The following WWC2 variants were observed in gnomAD, a reference collection of about 807,000 sequenced individuals.
WWC2 encodes WW and C2 domain containing 2.
A neutral mutation model predicts 138.5 loss-of-function variants in WWC2; 101 were observed. The ratio of observed to expected loss-of-function variants is 0.73; its 90% confidence interval spans 0.62 to 0.86. WWC2 has a LOEUF of 0.86. Among genes scored for constraint, WWC2 ranks in the 40% least tolerant of loss-of-function variants. WWC2 has a pLI of 0.00. For missense variants in WWC2, 1,420 were observed against 1,419.4 expected (o/e 1.00, Z -0.01); for synonymous variants, 558 against 538.4 (o/e 1.04, Z -0.50).
At chr4:183,183,494 C>T (rs1244241191) in intron 1 of WWC2, among the ~76,000 whole-genome samples, 1 of 152,126 alleles carries the variant, frequency 6.6e-6, no homozygotes, top group Non-Finnish European at 1.5e-5. Context: ...TAAGACAAAG[C>T]AAAACAGCCG....
In WWC2 at chr4:183,315,644, T is replaced by C; in HGVS notation, c.3513-19T>C. The stretch of plus-strand genomic sequence containing the variant: ...TTAGCATCATATATAAGTCAATTTA[T>C]TTCTCACCCCAACTCTAGGGAGAAG... On this transcript the variant is annotated intron_variant, in intron 22 of 22. Coordinates refer to ENST00000403733, the MANE Select transcript of WWC2 (RefSeq NM_024949.6). The C allele has an allele frequency of 6.2e-7, 1 of 1,604,846 alleles. No individual in the cohort carries two copies. The highest frequency in any genetic ancestry group is 2.2e-5 in the East Asian group (1 of 44,830).
intron 18 of WWC2, 44 bp downstream of exon 18, chr4:183,282,950 C>T: frequency 6.7e-7 from 1 of 1,502,658 alleles, no homozygotes; most frequent in Non-Finnish European, 8.9e-7. Context: ...ACCTTACAGG[C>T]ACCATGTGGA....
chr4:183,265,450 A>G (rs1220459814), intron 12 of WWC2, among the ~76,000 whole-genome samples: 4 of 152,204 alleles, frequency 2.6e-5, no homozygotes, highest in Admixed American at 1.3e-4. Context: ...AGGGTGTGGT[A>G]TATTTCTAGT....
chr4:183,099,817 C>A (rs965168967), intron 1 of WWC2, among the ~76,000 whole-genome samples, 195 bp downstream of exon 1: 2 of 150,310 alleles, frequency 1.3e-5, no homozygotes, highest in Non-Finnish European at 3.0e-5. Context: ...GGCTTCCCGA[C>A]GCCCCTCCGG....
chr4:183,309,702 A>G (rs1739146819), intron 21 of WWC2, among the ~76,000 whole-genome samples: 1 of 152,260 alleles, frequency 6.6e-6, no homozygotes, highest in African/African-American at 2.4e-5. Context: ...CTTACATACA[A>G]TTCAGCAGTT....
At chr4:183,176,343 C>T (rs920545332) in intron 1 of WWC2, among the ~76,000 whole-genome samples, 1 of 152,020 alleles carries the variant, frequency 6.6e-6, no homozygotes, top group Admixed American at 6.5e-5. Context: ...ATTCCAGCCC[C>T]GGAGCTTAAA....
chr4:183,265,022 G>A lies in WWC2; in HGVS notation c.1954G>A (p.Gly652Arg). The A allele has an allele frequency of 6.2e-7, 1 of 1,613,528 alleles. No homozygotes were observed. The highest frequency in any genetic ancestry group is 8.5e-7 in the Non-Finnish European group (1 of 1,179,622). The change falls in exon 12 of 23, where the codon GGG (glycine) becomes AGG (arginine). Residue 652 changes from glycine to arginine, a missense_variant. By Grantham distance (125) the Gly-to-Arg change is moderately radical. Transcript: ENST00000403733. ...LPKRRVIHLL[G>R]EKTTCVSAAV... ...AAAAAGAAGAGTGATCCACTTGCTTGGGGAGAAAACCACTTGTGTGTCGGC... is the reference window on the plus strand; with the variant it reads ...AAAAAGAAGAGTGATCCACTTGCTTAGGGAGAAAACCACTTGTGTGTCGGC...
At chr4:183,233,231 A>C (rs184638014) in intron 4 of WWC2, among the ~76,000 whole-genome samples, 177 of 127,954 alleles carry the variant, frequency 1.4e-3, no homozygotes, top group African/African-American at 5.2e-3. Context: ...ATCTCGGCTC[A>C]CTGCAAACTC....
At chr4:183,274,336 A>G (rs967705699) in intron 16 of WWC2, among the ~76,000 whole-genome samples, 3 of 152,236 alleles carry the variant, frequency 2.0e-5, no homozygotes, top group Non-Finnish European at 4.4e-5. Context: ...TAACAGTTCT[A>G]AGTCTTCTGA....
intron 1 of WWC2, among the ~76,000 whole-genome samples, chr4:183,118,294 T>C (rs772595164): frequency 1.3e-5 from 2 of 152,242 alleles, no homozygotes; most frequent in Non-Finnish European, 2.9e-5. Context: ...GATTTACTTA[T>C]GCTGTGAAAC....
Position 183,253,980 on chromosome 4 carries a change from A to C in WWC2, c.1177A>C (p.Ser393Arg). The C allele has an allele frequency of 1.2e-6, 2 of 1,613,602 alleles. No individual in the cohort carries two copies. The highest frequency in any genetic ancestry group is 1.7e-6 in the Non-Finnish European group (2 of 1,179,756). ...GTTGCTGTCTGTGAGGGGAACACCA[A>C]GCAGAGCTCTGGCCGAGAGGTTTGT... Reference protein sequence around the residue: ...EELLSVRGTPSRALAERLRLE... With the variant: ...EELLSVRGTPRRALAERLRLE... Residue 393 changes from serine (S) to arginine (R), a missense_variant, in exon 9 of 23, where the codon AGC becomes CGC. Ser to Arg is a moderately radical substitution (Grantham distance 110). Coordinates refer to ENST00000403733, the MANE Select transcript of WWC2 (RefSeq NM_024949.6).
chr4:183,193,849 C>A (rs1463005265), intron 2 of WWC2, 141 bp downstream of exon 2: 1 of 735,486 alleles, frequency 1.4e-6, no homozygotes, highest in Non-Finnish European at 2.3e-6. Context: ...ACTGAAGTGC[C>A]TGTCTTGGTA....
At chr4:183,278,871 G>A (rs78349489) in intron 16 of WWC2, among the ~76,000 whole-genome samples, 75,713 of 147,298 alleles carry the variant, frequency 0.51, 20,254 homozygotes, top group Middle Eastern at 0.65. Flanking sequence ...GCTTAAGGAG[G>A]TTTTGGGCTG....
Position 183,260,480 on chromosome 4 carries a change from G to A in WWC2, c.1287-430G>A, listed in dbSNP as rs562328935. ...AGACTGCATATATGATGGTGGTCCC[G>A]TAAGATTGTAATACTGTATTTTTAC... On this transcript the variant is annotated intron_variant, in intron 10 of 22. Coordinates refer to ENST00000403733, the MANE Select transcript of WWC2 (RefSeq NM_024949.6). Among the ~76,000 whole-genome samples, 12 of 152,312 alleles carry A rather than the reference G, an allele frequency of 7.9e-5. No individual in the cohort carries two copies. In the South Asian group the frequency reaches 8.3e-4, roughly 11 times the overall value.
intron 1 of WWC2, among the ~76,000 whole-genome samples, chr4:183,143,041 T>G: frequency 6.6e-6 from 1 of 152,324 alleles, no homozygotes; most frequent in East Asian, 1.9e-4. Context: ...ATAGAAGGTG[T>G]AGCAACAAGC....
At chr4:183,174,479 G>A (rs764677649) in intron 1 of WWC2, among the ~76,000 whole-genome samples, 9 of 152,058 alleles carry the variant, frequency 5.9e-5, no homozygotes, top group East Asian at 3.9e-4. Flanking sequence ...GCTTCCCACC[G>A]TCCCAAATTT....
intron 21 of WWC2, among the ~76,000 whole-genome samples, chr4:183,297,987 G>A (rs11730809): frequency 0.17 from 25,685 of 152,226 alleles, 2,735 homozygotes; most frequent in Non-Finnish European, 0.23. Flanking sequence ...GGACATAAGG[G>A]GAGACACTAG....
At chr4:183,283,748 A>G (rs988831722) in intron 18 of WWC2, among the ~76,000 whole-genome samples, 1 of 152,214 alleles carries the variant, frequency 6.6e-6, no homozygotes, top group African/African-American at 2.4e-5. Context: ...GTATAATTGC[A>G]TATTCTATTT....
At chr4:183,099,655 C>A in intron 1 of WWC2, 33 bp downstream of exon 1, 4 of 1,259,398 alleles carry the variant, frequency 3.2e-6, no homozygotes, top group Admixed American at 3.5e-5. Context: ...CGGGCCCGTT[C>A]GGACACGGCG....
Sources: allele counts gnomAD v4.1 joint callset (sites outside exome capture counted in the v4.1 genomes callset), GRCh38; gene constraint gnomAD v4.1.1; transcripts MANE v1.5; gene names NCBI Gene and HGNC (gene_info 2026-07-23, HGNC 2026-07-21).